Variants in CDC42 observed in about 807,000 individuals in gnomAD.
CDC42 encodes cell division control protein 42 homolog.
Under a neutral mutation model 20.8 loss-of-function variants are expected in CDC42, and 1 was observed. The ratio of observed to expected loss-of-function variants is 0.05; its 90% CI spans 0.02 to 0.23. The LOEUF (loss-of-function observed/expected upper bound fraction) is 0.23, where lower values mean the gene tolerates loss of function less well. Ranked by LOEUF, CDC42 falls within the 10% of genes least tolerant of loss-of-function variation. The pLI is 1.00. For synonymous variants in CDC42, 72 were observed against 84.8 expected (o/e 0.85, Z 0.83); for missense variants, 49 against 227.9 (o/e 0.21, Z 5.05).
At chr1:22,085,348 ATTATTG>A (rs1645651847) in intron 3 of CDC42, among the ~76,000 whole-genome samples, 1 of 151,584 alleles carries the variant, frequency 6.6e-6, no homozygotes, top group Non-Finnish European at 1.5e-5. Flanking sequence ...CACTGTTTTG[ATTATTG>A]TAGCCTTGTA....
At chr1:22,064,539 C>T (rs1399229715) in intron 1 of CDC42, among the ~76,000 whole-genome samples, 2 of 152,144 alleles carry the variant, frequency 1.3e-5, no homozygotes, top group African/African-American at 4.8e-5. Context: ...GATCTGCCTG[C>T]CTCGGCCTCC....
intron 1 of CDC42, among the ~76,000 whole-genome samples, chr1:22,069,540 C>T (rs1205174972): frequency 6.6e-6 from 1 of 150,972 alleles, no homozygotes; most frequent in Non-Finnish European, 1.5e-5. Context: ...TCACTGTAGC[C>T]TTGACCTTCC....
intron 3 of CDC42, among the ~76,000 whole-genome samples, chr1:22,084,238 C>T (rs527870016): frequency 2.0e-4 from 30 of 150,144 alleles, no homozygotes; most frequent in Admixed American, 9.9e-4. Flanking sequence ...GAGGAACCTC[C>T]GTATTGTTTT....
At chr1:22,080,421 C>G (rs1204659048) in intron 2 of CDC42, among the ~76,000 whole-genome samples, 2 of 152,170 alleles carry the variant, frequency 1.3e-5, no homozygotes, top group Non-Finnish European at 2.9e-5. Context: ...ACTGTCATCT[C>G]CCTCATGCCC....
chr1:22,066,758 T>A (rs1221834318), intron 1 of CDC42, among the ~76,000 whole-genome samples: 1 of 151,912 alleles, frequency 6.6e-6, no homozygotes, highest in Non-Finnish European at 1.5e-5. Flanking sequence ...GGCAGGAGTG[T>A]TGTTGGTAAA....
In CDC42 at chr1:22,094,294, A is replaced by ATTTTTTTTTTTTTTTTTTTTTTTTTTTT. The variant is rs747002932; in HGVS notation, c.*2798_*2799insTTTTTTTTTTTTTTTTTTTTTTTTTTTT. 1.3e-4 allele frequency among the ~76,000 whole-genome samples: 5 copies of ATTTTTTTTTTTTTTTTTTTTTTTTTTTT among 38,302 alleles called. 2 individuals are homozygous for ATTTTTTTTTTTTTTTTTTTTTTTTTTTT. The highest frequency in any genetic ancestry group is 5.2e-4 in the Admixed American group (1 of 1,910). The allele number at this position is 38,302 out of a possible 152,430, so 25.1% of individuals were successfully genotyped here. On this transcript the variant is annotated 3_prime_UTR_variant, in exon 6 of 6. Coordinates refer to ENST00000656825, the MANE Select transcript of CDC42 (RefSeq NM_001791.4). ...GTTTTACTGAACATCCTAGAAATAG[A>ATTTTTTTTTTTTTTTTTTTTTTTTTTTT]TTTTTTTTTTTTTTTTTTTTTGAGA... is the stretch of plus-strand genomic sequence containing the variant.
At chr1:22,070,308 G>C (rs941931097) in intron 1 of CDC42, among the ~76,000 whole-genome samples, 1 of 152,054 alleles carries the variant, frequency 6.6e-6, no homozygotes, top group Non-Finnish European at 1.5e-5. Flanking sequence ...CCACAATTTA[G>C]CCTAAATATT....
At chr1:22,090,235 G>T (rs749375975) in intron 5 of CDC42, 12 of 1,257,428 alleles carry the variant, frequency 9.5e-6, no homozygotes, top group Non-Finnish European at 1.2e-5. Flanking sequence ...AGTTGGACTT[G>T]TTTTAACGTT....
intron 2 of CDC42, among the ~76,000 whole-genome samples, chr1:22,081,369 T>G (rs917294903): frequency 3.3e-5 from 5 of 152,214 alleles, no homozygotes. Context: ...AGTAGTTTCT[T>G]AGGAATCAGA....
At chr1:22,061,423 AAAAG>A (rs1258041948) in intron 1 of CDC42, among the ~76,000 whole-genome samples, 6 of 151,808 alleles carry the variant, frequency 4.0e-5, no homozygotes, top group African/African-American at 7.2e-5. Flanking sequence ...AAAAAAAAAA[AAAAG>A]AAACCCTTTA....
chr1:22,084,104 T>A (rs906526446), intron 3 of CDC42, among the ~76,000 whole-genome samples: 10 of 152,206 alleles, frequency 6.6e-5, no homozygotes, highest in Admixed American at 3.3e-4. Flanking sequence ...TTCCACGTTT[T>A]AGCTATTTTG....
At chr1:22,087,941 A>T (rs1275769217) in intron 5 of CDC42, among the ~76,000 whole-genome samples, 1 of 152,234 alleles carries the variant, frequency 6.6e-6, no homozygotes, top group African/African-American at 2.4e-5. Flanking sequence ...ATATTTACAG[A>T]TAAAACTTTT....
chr1:22,064,688 ATTC>A (rs1557895073), intron 1 of CDC42, among the ~76,000 whole-genome samples: 2 of 46,078 alleles, frequency 4.3e-5, no homozygotes, highest in African/African-American at 2.5e-4. Context: ...CCTAGAGAAG[ATTC>A]TTTTTTTTTT....
rs1200105181 is a variant in CDC42, at chr1:22,099,149, CG to C, written c.*7635del. Among the ~76,000 whole-genome samples, 2 of 152,146 alleles carry C rather than the reference CG, an allele frequency of 1.3e-5. No homozygotes were observed. The highest frequency in any genetic ancestry group is 2.1e-4 in the South Asian group (1 of 4,822). ...GCCCTGCTTCACCACGGCATAGGGA[CG>C]GGTGCAGTAGGAAGAAAGGTAGCCT... On this transcript the variant is annotated 3_prime_UTR_variant, in exon 6 of 6. Transcript: ENST00000656825.
chr1:22,090,453 T>C lies in CDC42; in HGVS notation c.487-975T>C, dbSNP rs1290761494. On this transcript the variant is annotated intron_variant, in intron 5 of 5. Coordinates refer to ENST00000656825, the MANE Select transcript of CDC42 (RefSeq NM_001791.4). ...AATTGTAATTGCATGACAAACCTTA[T>C]GGAAAAGGGGTGACCTAGTAGAGTG... 7.0e-6 allele frequency: 7 copies of C among 995,566 alleles called. No individual in the cohort carries two copies. The South Asian group carries it at 1.3e-4, about 19-fold the overall frequency. The allele number at this position is 995,566 out of a possible 1,614,324, so 61.7% of individuals were successfully genotyped here.
At position 22,093,947 on chromosome 1, in the gene CDC42, C is replaced by T. The variant is rs16826571; in HGVS notation, c.*2430C>T. Among the ~76,000 whole-genome samples, 5 of 152,048 alleles carry T rather than the reference C, an allele frequency of 3.3e-5. No individual in the cohort carries two copies. Among genetic ancestry groups the T allele is most frequent in the Admixed American group, 1.3e-4 (2 of 15,264 alleles). ...AAAGCAGGTCATACAGTTGTGTCAACGAATTATCCGTGTATCAGAAGAACA... is the reference window on the plus strand; with the variant it reads ...AAAGCAGGTCATACAGTTGTGTCAATGAATTATCCGTGTATCAGAAGAACA... On this transcript the variant is annotated 3_prime_UTR_variant, in exon 6 of 6. Transcript: ENST00000656825.
chr1:22,062,574 A>G (rs1027278426), intron 1 of CDC42, among the ~76,000 whole-genome samples: 1 of 151,910 alleles, frequency 6.6e-6, no homozygotes, highest in Admixed American at 6.6e-5. Flanking sequence ...TAAGAACATA[A>G]GTTGCCTGAT....
At chr1:22,081,855 T>C in intron 3 of CDC42, 61 bp downstream of exon 3, 5 of 1,084,010 alleles carry the variant, frequency 4.6e-6, no homozygotes, top group Non-Finnish European at 7.0e-6. Flanking sequence ...TGTCTGTCTC[T>C]TGTGGACATT....
At position 22,086,488 on chromosome 1, in the gene CDC42, T is replaced by C. The variant is rs1645663510; in HGVS notation, c.228T>C (p.Asp76=). Reference sequence around the variant, plus strand: ...GACCGCTGAGTTATCCACAAACAGATGTATTTCTAGTCTGTTTTTCAGTGG... The same window carrying C: ...GACCGCTGAGTTATCCACAAACAGACGTATTTCTAGTCTGTTTTTCAGTGG... ...RLRPLSYPQT[D]VFLVCFSVVS... Residue 76 remains aspartate, a synonymous_variant, in exon 4 of 6, where the codon GAT becomes GAC. Transcript: ENST00000656825. 3.7e-6 allele frequency: 6 copies of C among 1,609,238 alleles called. No homozygotes were observed. Among genetic ancestry groups the C allele is most frequent in the Non-Finnish European group, 4.3e-6 (5 of 1,176,074 alleles).
Sources: allele counts gnomAD v4.1 joint callset (sites outside exome capture counted in the v4.1 genomes callset), GRCh38; gene constraint gnomAD v4.1.1; transcripts MANE v1.5; gene names NCBI Gene and HGNC (gene_info 2026-07-23, HGNC 2026-07-21).